The following ATP2B1 variants were observed in gnomAD, a reference collection of about 807,000 sequenced individuals.
ATP2B1 encodes the protein ATPase plasma membrane Ca2+ transporting 1.
ATP2B1 carries 14 observed loss-of-function variants against 124.2 expected under a neutral mutation model. The observed-to-expected ratio is 0.11, with a 90% CI of 0.07 to 0.18. ATP2B1 has a LOEUF of 0.18. Ranked by LOEUF, ATP2B1 falls within the 10% of genes least tolerant of loss-of-function variation. ATP2B1 has a pLI of 1.00. For synonymous variants in ATP2B1, 449 were observed against 492.4 expected (o/e 0.91, Z 1.17); for missense variants, 763 against 1,466.1 (o/e 0.52, Z 7.83).
At position 89,599,260 on chromosome 12, in the gene ATP2B1, T is replaced by G; in HGVS notation, c.3208A>C (p.Lys1070Gln). ...TIPTSRLKFL[K>Q]EAGHGTQKEE... ...TTTTGTGTTCCATGACCAGCTTCTT[T>G]GAGGAATTTTAAACGGCTAGTTGGA... The change falls in exon 20 of 21, where the codon AAA becomes CAA. Residue 1070 changes from lysine to glutamine, a missense_variant. By Grantham distance (53) the Lys-to-Gln change is moderately conservative. Coordinates refer to ENST00000428670, the MANE Select transcript of ATP2B1 (RefSeq NM_001366521.1). The G allele has an allele frequency of 6.2e-7, 1 of 1,614,138 alleles. No individual in the cohort carries two copies. The highest frequency in any genetic ancestry group is 8.5e-7 in the Non-Finnish European group (1 of 1,180,006).
At chr12:89,667,069 A>G (rs992751638) in intron 1 of ATP2B1, among the ~76,000 whole-genome samples, 4 of 152,046 alleles carry the variant, frequency 2.6e-5, no homozygotes, top group Non-Finnish European at 5.9e-5. Flanking sequence ...CCCTCCTTTT[A>G]TCCCACTTTT....
chr12:89,632,591 A>C (rs1882041754), intron 5 of ATP2B1, among the ~76,000 whole-genome samples: 1 of 152,230 alleles, frequency 6.6e-6, no homozygotes, highest in Non-Finnish European at 1.5e-5. Context: ...CAGGCAAAGT[A>C]AACAGTTTTA....
chr12:89,608,288 A>C (rs2681474), intron 15 of ATP2B1, among the ~76,000 whole-genome samples: 145,648 of 152,154 alleles, frequency 0.96, 69,748 homozygotes, highest in East Asian at 0.99. Flanking sequence ...CATGCCTCAG[A>C]CTTCCAAGTA....
chr12:89,595,464 G>T (rs1386931694), intron 20 of ATP2B1, among the ~76,000 whole-genome samples: 1 of 151,884 alleles, frequency 6.6e-6, no homozygotes. Flanking sequence ...GTGAAGATCT[G>T]ACTAATAAAT....
intron 20 of ATP2B1, chr12:89,598,799 A>G (rs1292029422): frequency 6.3e-7 from 1 of 1,592,682 alleles, no homozygotes. Context: ...AGAGAACAAG[A>G]GAAAGGACCA....
intron 1 of ATP2B1, among the ~76,000 whole-genome samples, chr12:89,662,797 A>T (rs1414143323): frequency 6.6e-6 from 1 of 152,096 alleles, no homozygotes; most frequent in Non-Finnish European, 1.5e-5. Context: ...TTACTTATCT[A>T]GTAGACTCTT....
chr12:89,610,295 A>T (rs1877752593), intron 14 of ATP2B1, 126 bp downstream of exon 14: 1 of 887,030 alleles, frequency 1.1e-6, no homozygotes, highest in African/African-American at 1.7e-5. Flanking sequence ...AAGGAAATGT[A>T]TTTAGATTTT....
chr12:89,671,427 T>C (rs571801437), intron 1 of ATP2B1, among the ~76,000 whole-genome samples: 1 of 152,296 alleles, frequency 6.6e-6, no homozygotes, highest in Non-Finnish European at 1.5e-5. Flanking sequence ...AACTGAGGGA[T>C]TAAAATGTTG....
At chr12:89,676,784 G>A (rs762717153) in intron 1 of ATP2B1, among the ~76,000 whole-genome samples, 2 of 152,034 alleles carry the variant, frequency 1.3e-5, no homozygotes, top group Admixed American at 1.3e-4. Context: ...AAAACAAAAC[G>A]TTCTGGCTCC....
At chr12:89,633,649 A>G (rs775628106) in intron 5 of ATP2B1, among the ~76,000 whole-genome samples, 3 of 152,090 alleles carry the variant, frequency 2.0e-5, no homozygotes, top group Non-Finnish European at 4.4e-5. Flanking sequence ...GCATGCATTT[A>G]TAAATCTTAA....
chr12:89,682,125 C>A (rs1484228589), intron 1 of ATP2B1, among the ~76,000 whole-genome samples: 2 of 151,954 alleles, frequency 1.3e-5, no homozygotes, highest in East Asian at 3.8e-4. Context: ...GAAAACTCCA[C>A]CACGATAGCA....
chr12:89,664,134 A>C (rs1352270157), intron 1 of ATP2B1, among the ~76,000 whole-genome samples: 2 of 152,246 alleles, frequency 1.3e-5, no homozygotes, highest in African/African-American at 2.4e-5. Flanking sequence ...AGTGTAAAAA[A>C]GAAAAAACCA....
intron 12 of ATP2B1, among the ~76,000 whole-genome samples, chr12:89,614,411 T>C (rs1169215720): frequency 6.6e-6 from 1 of 152,142 alleles, no homozygotes. Flanking sequence ...ATGGCAAACA[T>C]TACCCACCTG....
chr12:89,667,244 T>C (rs1004464524), intron 1 of ATP2B1, among the ~76,000 whole-genome samples: 1 of 152,194 alleles, frequency 6.6e-6, no homozygotes, highest in African/African-American at 2.4e-5. Context: ...ATCTCAGGCT[T>C]TTTATCAGTC....
At chr12:89,615,299 A>G (rs1878770820) in intron 12 of ATP2B1, among the ~76,000 whole-genome samples, 1 of 152,180 alleles carries the variant, frequency 6.6e-6, no homozygotes, top group African/African-American at 2.4e-5. Flanking sequence ...CATATCTTAT[A>G]TAGCCCTTCT....
At chr12:89,687,759 T>C (rs1288432384) in intron 1 of ATP2B1, among the ~76,000 whole-genome samples, 3 of 152,242 alleles carry the variant, frequency 2.0e-5, no homozygotes, top group South Asian at 2.1e-4. Flanking sequence ...AACAGCAATG[T>C]TAGTATTTTA....
chr12:89,656,907 T>A (rs1205952175), intron 1 of ATP2B1, among the ~76,000 whole-genome samples: 1 of 152,212 alleles, frequency 6.6e-6, no homozygotes, highest in African/African-American at 2.4e-5. Context: ...AGTTTGCCCA[T>A]TACTACATCT....
chr12:89,600,441 G>A (rs1022284866), intron 19 of ATP2B1, among the ~76,000 whole-genome samples: 2 of 152,128 alleles, frequency 1.3e-5, no homozygotes, highest in African/African-American at 4.8e-5. Context: ...GCATTTGCAA[G>A]TAAGCTGCCT....
chr12:89,647,708 T>C (rs886166821), intron 2 of ATP2B1, among the ~76,000 whole-genome samples: 1 of 152,244 alleles, frequency 6.6e-6, no homozygotes, highest in Non-Finnish European at 1.5e-5. Context: ...GTAAGGATGT[T>C]TATCCCTTCC....
Sources: gnomAD v4.1 joint callset for allele counts (sites outside exome capture counted in the v4.1 genomes callset) on GRCh38, gnomAD v4.1.1 for gene constraint, MANE v1.5 for transcripts, NCBI Gene and HGNC (gene_info 2026-07-23, HGNC 2026-07-21) for gene names.